Variants in TRPM4 observed in about 807,000 individuals in gnomAD.
TRPM4 encodes transient receptor potential cation channel subfamily M member 4.
In TRPM4, 124 loss-of-function variants were observed where a neutral mutation model predicts 135.6. The observed-to-expected ratio is 0.91, with a 90% CI of 0.79 to 1.06. The LOEUF (loss-of-function observed/expected upper bound fraction) is 1.06, where lower values mean the gene tolerates loss of function less well. Ranked by LOEUF, TRPM4 falls within the 50% of genes least tolerant of loss-of-function variation. TRPM4 has a pLI of 0.00. For missense variants in TRPM4, 1,658 were observed against 1,671.4 expected (o/e 0.99, Z 0.14); for synonymous variants, 745 against 705.6 (o/e 1.06, Z -0.88).
At chr19:49,182,069 C>CATCCATCCATCT (rs1967953223) in intron 10 of TRPM4, among the ~76,000 whole-genome samples, 2 of 139,228 alleles carry the variant, frequency 1.4e-5, no homozygotes, top group African/African-American at 2.9e-5. Flanking sequence ...TCCATCCATC[C>CATCCATCCATCT]ATCCATCCAT....
Position 49,210,527 on chromosome 19 carries a change from T to C in TRPM4, c.3328+122T>C. ...GGCTTAGGTAGCGAGGGGCGGGGTT[T>C]AAGCAACAAGGGGCGGAGCTTAAGC... On this transcript the variant is annotated intron_variant, in intron 21 of 24. Coordinates refer to ENST00000252826, the MANE Select transcript of TRPM4 (RefSeq NM_017636.4). The surrounding 1 kb of genome is among the most constrained non-coding windows in gnomAD (Gnocchi z 4.1). 1 of 1,442,376 alleles carries C rather than the reference T, an allele frequency of 6.9e-7. No individual in the cohort carries two copies. Among genetic ancestry groups the C allele is most frequent in the Non-Finnish European group, 9.5e-7 (1 of 1,050,308 alleles). The allele number at this position is 1,442,376 out of a possible 1,614,324, so 89.3% of individuals were successfully genotyped here. A position where few individuals can be genotyped will look rare whatever the true frequency, so the allele number is the denominator to read the frequency against.
Position 49,211,018 on chromosome 19 carries a change from G to A in TRPM4, c.3465G>A (p.Val1155=), listed in dbSNP as rs1047077297. 2 of 1,613,872 alleles carry A rather than the reference G, an allele frequency of 1.2e-6. No homozygotes were observed. Among genetic ancestry groups the A allele is most frequent in the African/African-American group, 1.3e-5 (1 of 74,906 alleles). Residue 1155 remains valine, a synonymous_variant, in exon 23 of 25, where the codon GTG becomes GTA. Coordinates refer to ENST00000252826, the MANE Select transcript of TRPM4 (RefSeq NM_017636.4). The surrounding 1 kb of genome is among the most constrained non-coding windows in gnomAD (Gnocchi z 4.8). ...SERLKRTSQK[V]DLALKQLGHI... ...GTAAGAGGCCCTCCCTTCTCAGGGT[G>A]GACTTGGCACTGAAACAGCTGGGAC... is the stretch of plus-strand genomic sequence containing the variant.
rs1261892795 is a variant in TRPM4 at position 49,164,370 on chromosome 19, T to G, written c.93-1671T>G. 6.3e-5 allele frequency among the ~76,000 whole-genome samples: 4 copies of G among 63,916 alleles called. No homozygotes were observed. In the East Asian group the frequency reaches 1.3e-3, roughly 21 times the overall value. 41.9% of individuals were successfully genotyped at this position (63,916 alleles called of 152,430 possible). A position where few individuals can be genotyped will look rare whatever the true frequency, so the allele number is the denominator to read the frequency against. On this transcript the variant is annotated intron_variant, in intron 2 of 24. Coordinates refer to ENST00000252826, the MANE Select transcript of TRPM4 (RefSeq NM_017636.4). The stretch of plus-strand genomic sequence containing the variant: ...TCCTTCCTTTCTTTCCTTAGTTTTT[T>G]TTTTTTTTTTTTTTTTTTTTTTTTT...
At chr19:49,162,981 C>CAA (rs199840316) in intron 2 of TRPM4, among the ~76,000 whole-genome samples, 2,311 of 152,062 alleles carry the variant, frequency 0.015, 29 homozygotes, top group Non-Finnish European at 0.019. Context: ...AGGCTGGTCT[C>CAA]AAAGTCCTGA....
chr19:49,182,962 A>G (rs1425271637), intron 11 of TRPM4, 40 bp downstream of exon 11: 1 of 1,586,518 alleles, frequency 6.3e-7, no homozygotes, highest in South Asian at 1.1e-5. Context: ...CCCGCGCGGG[A>G]AGGACCTGGG....
chr19:49,211,187 G>A lies in TRPM4; in HGVS notation c.3558G>A (p.Leu1186=). Residue 1186 remains leucine (L), a synonymous_variant, in exon 24 of 25, where the codon CTG becomes CTA. Coordinates refer to ENST00000252826, the MANE Select transcript of TRPM4 (RefSeq NM_017636.4). This position sits in a 1 kb window ranked among gnomAD's most constrained non-coding sequence, Gnocchi z 4.8. ...AGGTCCAGCAGTGTAGCCGCGTCCT[G>A]GGGTGGGTGGCCGAGGCCCTGAGCC... ...EREVQQCSRV[L]GWVAEALSRS... The A allele has an allele frequency of 6.2e-7, 1 of 1,604,210 alleles. No individual in the cohort carries two copies. Among genetic ancestry groups the A allele is most frequent in the East Asian group, 2.3e-5 (1 of 44,420 alleles).
At position 49,168,632 on chromosome 19, in the gene TRPM4, C is replaced by A. The variant is rs1196102913; in HGVS notation, c.692C>A (p.Ala231Asp). The change falls in exon 6 of 25, where the codon GCC (alanine) becomes GAC (aspartate). Residue 231 changes from alanine to aspartate, a missense_variant. By Grantham distance (126) the Ala-to-Asp change is moderately radical (BLOSUM62 -2). Transcript: ENST00000252826. ...TTTCCCCTGGACTACAACTACTCGG[C>A]CTTCTTCCTGGTGGACGACGGCACA... ...VQFPLDYNYS[A>D]FFLVDDGTHG... The A allele has an allele frequency of 6.2e-7, 1 of 1,613,736 alleles. No homozygotes were observed. The highest frequency in any genetic ancestry group is 1.1e-5 in the South Asian group (1 of 91,080).
chr19:49,158,126 T>C, intron 1 of TRPM4, 66 bp from the exon 2 acceptor site: 1 of 1,511,398 alleles, frequency 6.6e-7, no homozygotes, highest in Non-Finnish European at 9.2e-7. Context: ...TGGCTCTGTG[T>C]CCCATAGGAC....
At chr19:49,200,155 T>G in intron 17 of TRPM4, 145 bp from the exon 18 acceptor site, 2 of 1,256,088 alleles carry the variant, frequency 1.6e-6, no homozygotes, top group Non-Finnish European at 1.1e-6. Flanking sequence ...ACTGAATAAA[T>G]TTGAGTAAAC....
chr19:49,191,323 C>T lies in TRPM4; in HGVS notation c.2210+550C>T, dbSNP rs182560310. On this transcript the variant is annotated intron_variant, in intron 16 of 24. Coordinates refer to ENST00000252826, the MANE Select transcript of TRPM4 (RefSeq NM_017636.4). ...TGGGTTCCTGATCAGCCTGCCTCAG[C>T]CTCCCAAGTAGGTGGGAGTAGAAGT... 2.2e-4 allele frequency among the ~76,000 whole-genome samples: 33 copies of T among 151,730 alleles called. No individual in the cohort carries two copies. In the East Asian group the frequency reaches 6.2e-3, roughly 29 times the overall value.
At position 49,167,815 on chromosome 19, in the gene TRPM4, C is replaced by T. The variant is rs867594460; in HGVS notation, c.268-102C>T. On this transcript the variant is annotated intron_variant, in intron 3 of 24. Coordinates refer to ENST00000252826, the MANE Select transcript of TRPM4 (RefSeq NM_017636.4). ...GTCCCTCTCTCTCTGGGTCTCTGTC[C>T]CCGTCTCTCTGGGTCTCTGTCCCCG... is the stretch of plus-strand genomic sequence containing the variant. 2.4e-5 allele frequency: 24 copies of T among 996,784 alleles called. 3 individuals carry two copies. The highest frequency in any genetic ancestry group is 2.1e-4 in the Admixed American group (12 of 57,796). The allele number at this position is 996,784 out of a possible 1,614,324, so 61.7% of individuals were successfully genotyped here.
chr19:49,200,937 C>A, intron 19 of TRPM4, 152 bp downstream of exon 19: 1 of 814,882 alleles, frequency 1.2e-6, no homozygotes. Flanking sequence ...TATTCCCCAT[C>A]ATCATCTCTC....
At chr19:49,175,068 T>TAA (rs1967629688) in intron 9 of TRPM4, among the ~76,000 whole-genome samples, 1 of 70,628 alleles carries the variant, frequency 1.4e-5, no homozygotes, top group African/African-American at 5.1e-5. Flanking sequence ...CATGCCTGGC[T>TAA]TTTTTTTTTT....
At position 49,196,570 on chromosome 19, in the gene TRPM4, A is replaced by C. The variant is rs2123042220; in HGVS notation, c.2341A>C (p.Thr781Pro). 6.4e-7 allele frequency: 1 copy of C among 1,555,428 alleles called. No individual in the cohort carries two copies. The highest frequency in any genetic ancestry group is 8.7e-7 in the Non-Finnish European group (1 of 1,152,906). ...GTTCCACTTCTGGGGCGCGCCGGTG[A>C]CCATCTTCATGGGCAACGTGGTCAG... ...RWFHFWGAPV[T>P]IFMGNVVSYL... Residue 781 changes from threonine (T) to proline (P), a missense_variant, in exon 17 of 25, where the codon ACC becomes CCC. Physicochemically the swap from Thr to Pro is conservative, Grantham distance 38. Coordinates refer to ENST00000252826, the MANE Select transcript of TRPM4 (RefSeq NM_017636.4).
chr19:49,182,917 G>A lies in TRPM4; in HGVS notation c.1603G>A (p.Glu535Lys), dbSNP rs748187859. 23 of 1,592,116 alleles carry A rather than the reference G, an allele frequency of 1.4e-5. No homozygotes were observed. The highest frequency in any genetic ancestry group is 6.7e-5 in the African/African-American group (5 of 74,516). Residue 535 changes from glutamate to lysine, a missense_variant, in exon 11 of 25, where the codon GAG (glutamate) becomes AAG (lysine). Coordinates refer to ENST00000252826, the MANE Select transcript of TRPM4 (RefSeq NM_017636.4). The part of the protein sequence containing the change: ...WDPHPGQGFG[E>K]SMYLLSDKAT... Reference sequence around the variant, plus strand: ...CCCTCACCCAGGCCAGGGCTTCGGGGAGAGCGTAAGGACCGGGCAAAGCTG... The same window carrying A: ...CCCTCACCCAGGCCAGGGCTTCGGGAAGAGCGTAAGGACCGGGCAAAGCTG...
chr19:49,196,436 A>G lies in TRPM4; in HGVS notation c.2211-4A>G. The G allele has an allele frequency of 6.5e-7, 1 of 1,535,846 alleles. No individual in the cohort carries two copies. The highest frequency in any genetic ancestry group is 8.7e-7 in the Non-Finnish European group (1 of 1,144,258). On this transcript the variant is annotated splice_region_variant and splice_polypyrimidine_tract_variant and intron_variant, in intron 16 of 24. Coordinates refer to ENST00000252826, the MANE Select transcript of TRPM4 (RefSeq NM_017636.4). ...CTCCTCCCTTCTCTTCTCTTCCCCC[A>G]CAGGACGGCGGACCCAGCCGAGAAG... is the stretch of plus-strand genomic sequence containing the variant.
chr19:49,181,659 G>A (rs1401255249), intron 10 of TRPM4, among the ~76,000 whole-genome samples, 198 bp downstream of exon 10: 1 of 150,862 alleles, frequency 6.6e-6, no homozygotes, highest in Non-Finnish European at 1.5e-5. Flanking sequence ...AGCCTCCCGA[G>A]TAGCTGGGAC....
chr19:49,203,901 G>A (rs1969048207), intron 20 of TRPM4, among the ~76,000 whole-genome samples: 1 of 152,184 alleles, frequency 6.6e-6, no homozygotes, highest in Non-Finnish European at 1.5e-5. Flanking sequence ...GCCTAGGCGG[G>A]TGGATCACCT....
chr19:49,181,532 T>TA, intron 10 of TRPM4, 71 bp downstream of exon 10: 2 of 323,952 alleles, frequency 6.2e-6, no homozygotes, highest in Non-Finnish European at 9.5e-6. Context: ...TCTGCCTTCT[T>TA]TTTTTTTTTT....
Sources: allele counts gnomAD v4.1 joint callset (sites outside exome capture counted in the v4.1 genomes callset), GRCh38; gene constraint gnomAD v4.1.1; non-coding constraint Gnocchi (gnomAD v3.1); transcripts MANE v1.5; gene names NCBI Gene and HGNC (gene_info 2026-07-23, HGNC 2026-07-21).